TRABD2B: variants seen among roughly 807,000 people sequenced by gnomAD.
The protein encoded by TRABD2B is TraB domain containing 2B.
Under a neutral mutation model 40.1 loss-of-function variants are expected in TRABD2B, and 14 were observed. That is an observed-to-expected ratio of 0.35 (90% confidence interval 0.23 to 0.55). The LOEUF (loss-of-function observed/expected upper bound fraction) is 0.55, where lower values mean the gene tolerates loss of function less well. TRABD2B is among the 20% of genes least tolerant of loss of function. The probability of loss-of-function intolerance (pLI) is 0.90; values close to 1 mark genes in which losing one functional copy is unlikely to be tolerated. For missense variants in TRABD2B, 541 were observed against 648.6 expected, an observed-to-expected ratio of 0.83 and a Z score of 1.80; for synonymous variants, 263 against 277.0, an observed-to-expected ratio of 0.95 and a Z score of 0.50.
intron 2 of TRABD2B, among the ~76,000 whole-genome samples, chr1:47,884,333 G>C (rs765692376): frequency 1.1e-4 from 16 of 152,250 alleles, no homozygotes; most frequent in Non-Finnish European, 2.1e-4. Flanking sequence ...GTTCTGGACA[G>C]TGGCTGGTCT....
Position 47,789,473 on chromosome 1 carries a change from C to T in TRABD2B, c.988+5113G>A, listed in dbSNP as rs189511037. Among the ~76,000 whole-genome samples the T allele has an allele frequency of 3.5e-4, 54 of 152,292 alleles. No individual in the cohort carries two copies. The East Asian group carries it at 7.1e-3, about 20-fold the overall frequency. On this transcript the variant is annotated intron_variant, in intron 4 of 6. Transcript: ENST00000606738. Reference sequence around the variant, plus strand: ...TTTATCATCTTATACCATAACGTTCCAGGCAGGTGCTACCAATCAATCATA... The same window carrying T: ...TTTATCATCTTATACCATAACGTTCTAGGCAGGTGCTACCAATCAATCATA...
intron 2 of TRABD2B, among the ~76,000 whole-genome samples, chr1:47,916,792 C>T (rs541950884): frequency 1.3e-5 from 2 of 152,334 alleles, no homozygotes; most frequent in South Asian, 2.1e-4. Flanking sequence ...TATTCAAACC[C>T]ACTTCACAGT....
chr1:47,771,154 C>A (rs1162811454), intron 6 of TRABD2B, among the ~76,000 whole-genome samples: 1 of 152,184 alleles, frequency 6.6e-6, no homozygotes, highest in African/African-American at 2.4e-5. Context: ...CTCGAACCAT[C>A]CCAGAAGGAG....
At chr1:47,773,120 T>C (rs777869617) in intron 6 of TRABD2B, among the ~76,000 whole-genome samples, 4 of 152,222 alleles carry the variant, frequency 2.6e-5, no homozygotes, top group Non-Finnish European at 5.9e-5. Flanking sequence ...CGTCACCCCA[T>C]GGGCTGGCCC....
chr1:47,821,478 A>G (rs1195744514), intron 2 of TRABD2B, among the ~76,000 whole-genome samples: 1 of 152,212 alleles, frequency 6.6e-6, no homozygotes, highest in Non-Finnish European at 1.5e-5. Context: ...ATAGCCCCAA[A>G]TATCAGGACT....
intron 2 of TRABD2B, among the ~76,000 whole-genome samples, chr1:47,937,548 G>T (rs1031736399): frequency 6.6e-6 from 1 of 152,074 alleles, no homozygotes; most frequent in Non-Finnish European, 1.5e-5. Context: ...GAAAACTGAG[G>T]CCCAGAAAAT....
In TRABD2B at chr1:47,956,436, C is replaced by T. The variant is rs141295877; in HGVS notation, c.666+37598G>A. On this transcript the variant is annotated intron_variant, in intron 2 of 6. Coordinates refer to ENST00000606738, the MANE Select transcript of TRABD2B (RefSeq NM_001194986.2). ...GCCTCACCTGGGAAACTCAAGGGGT[C>T]GGGGAATTCCCTTTCCTAGCCAAGG... is the stretch of plus-strand genomic sequence containing the variant. 5.9e-3 allele frequency among the ~76,000 whole-genome samples: 892 copies of T among 152,276 alleles called. 9 individuals are homozygous for T. The highest frequency in any genetic ancestry group is 0.019 in the African/African-American group (782 of 41,554).
At chr1:47,818,407 T>A (rs1253440444) in intron 2 of TRABD2B, among the ~76,000 whole-genome samples, 4 of 152,028 alleles carry the variant, frequency 2.6e-5, no homozygotes, top group African/African-American at 9.7e-5. Flanking sequence ...CTGACAGGAG[T>A]GGGGTGTTCA....
rs146508074 is a variant in TRABD2B at position 47,767,310 on chromosome 1, C to T, written c.1350-1204G>A. Among the ~76,000 whole-genome samples, 108 of 152,230 alleles carry T rather than the reference C, an allele frequency of 7.1e-4. 1 individual carries two copies. The highest frequency in any genetic ancestry group is 2.5e-3 in the East Asian group (13 of 5,178). Reference sequence around the variant, plus strand: ...AGCCCCGTCACCCAGAGGGGAGCACCGGGGGGCAGCAGGTAGATGAAGGGA... The same window carrying T: ...AGCCCCGTCACCCAGAGGGGAGCACTGGGGGGCAGCAGGTAGATGAAGGGA... On this transcript the variant is annotated intron_variant, in intron 6 of 6. Coordinates refer to ENST00000606738, the MANE Select transcript of TRABD2B (RefSeq NM_001194986.2).
At chr1:47,799,665 G>A (rs1284656168) in intron 3 of TRABD2B, among the ~76,000 whole-genome samples, 2 of 152,038 alleles carry the variant, frequency 1.3e-5, no homozygotes, top group Non-Finnish European at 2.9e-5. Context: ...ACCATGGCCC[G>A]GCCCGGTCTG....
At chr1:47,773,029 T>C (rs918470632) in intron 6 of TRABD2B, among the ~76,000 whole-genome samples, 1 of 152,218 alleles carries the variant, frequency 6.6e-6, no homozygotes, top group Non-Finnish European at 1.5e-5. Flanking sequence ...AAGGAAGCCG[T>C]TTGGAGTCAT....
intron 2 of TRABD2B, among the ~76,000 whole-genome samples, chr1:47,830,616 G>A (rs1645235705): frequency 1.3e-5 from 2 of 152,230 alleles, no homozygotes; most frequent in Non-Finnish European, 2.9e-5. Context: ...CAAGTACAAA[G>A]CTCTAGTCAG....
Position 47,817,205 on chromosome 1 carries a change from T to TC in TRABD2B, c.667-15587dup, listed in dbSNP as rs575912456. The stretch of plus-strand genomic sequence containing the variant: ...CGGCCTCCAGAGGCCATGTTTTCCA[T>TC]CCCCCCCAACACCCCTGCCCCAGCT... On this transcript the variant is annotated intron_variant, in intron 2 of 6. Coordinates refer to ENST00000606738, the MANE Select transcript of TRABD2B (RefSeq NM_001194986.2). Among the ~76,000 whole-genome samples the TC allele has an allele frequency of 5.9e-3, 889 of 151,284 alleles. 5 individuals carry two copies. Among genetic ancestry groups the TC allele is most frequent in the Non-Finnish European group, 8.8e-3 (597 of 67,766 alleles).
chr1:47,951,891 G>A (rs1015141462), intron 2 of TRABD2B, among the ~76,000 whole-genome samples: 1 of 152,244 alleles, frequency 6.6e-6, no homozygotes, highest in Non-Finnish European at 1.5e-5. Flanking sequence ...GATAATCACA[G>A]AATGCCAGAG....
intron 2 of TRABD2B, among the ~76,000 whole-genome samples, chr1:47,948,410 T>G (rs769301126): frequency 2.0e-5 from 3 of 152,210 alleles, no homozygotes; most frequent in Non-Finnish European, 2.9e-5. Flanking sequence ...TTAGAGCACC[T>G]GGTGGTAAAC....
chr1:47,815,883 G>A (rs1645026023), intron 2 of TRABD2B, among the ~76,000 whole-genome samples: 1 of 152,066 alleles, frequency 6.6e-6, no homozygotes, highest in Admixed American at 6.5e-5. Context: ...ACTGTGCTTT[G>A]TGTTATCCCA....
At chr1:47,829,755 T>C (rs191804713) in intron 2 of TRABD2B, among the ~76,000 whole-genome samples, 47 of 152,342 alleles carry the variant, frequency 3.1e-4, no homozygotes. Flanking sequence ...AATTCATGCA[T>C]GACACTTAGG....
At chr1:47,815,153 A>T (rs879292546) in intron 2 of TRABD2B, among the ~76,000 whole-genome samples, 2 of 152,198 alleles carry the variant, frequency 1.3e-5, no homozygotes, top group East Asian at 3.9e-4. Flanking sequence ...AGAAAGGGAA[A>T]ATGTTTTTAG....
intron 2 of TRABD2B, chr1:47,820,252 C>T (rs920699188): frequency 6.6e-6 from 1 of 152,226 alleles, no homozygotes; most frequent in Non-Finnish European, 1.5e-5. Flanking sequence ...AACTGTGTGG[C>T]CTTTTATTAC....
Sources: gnomAD v4.1 joint callset for allele counts (sites outside exome capture counted in the v4.1 genomes callset) on GRCh38, gnomAD v4.1.1 for gene constraint, MANE v1.5 for transcripts, NCBI Gene and HGNC (gene_info 2026-07-23, HGNC 2026-07-21) for gene names.